VPS37A: variants seen among roughly 807,000 people sequenced by gnomAD.
VPS37A encodes the protein vacuolar protein sorting-associated protein 37A.
In VPS37A, 30 loss-of-function variants were observed where a neutral mutation model predicts 49.8. The observed-to-expected ratio is 0.60, with a 90% CI of 0.45 to 0.82. The LOEUF is 0.82. VPS37A is among the 40% of genes least tolerant of loss of function. The pLI is 0.00. For synonymous variants in VPS37A, 195 were observed against 160.6 expected (o/e 1.21, Z -1.62); for missense variants, 593 against 464.4 (o/e 1.28, Z -2.55).
chr8:17,287,635 G>A (rs112883223), intron 11 of VPS37A, among the ~76,000 whole-genome samples: 11,660 of 151,602 alleles, frequency 0.077, 785 homozygotes, highest in African/African-American at 0.18. Context: ...CCGAGATCAC[G>A]CCACTGCACT....
At chr8:17,313,149 C>A in the VPS37A span, 3 of 507,384 alleles carry the variant, frequency 5.9e-6, no homozygotes, top group Non-Finnish European at 1.1e-5. Flanking sequence ...CTTCAGCGCA[C>A]AGACTACGGA....
intron 6 of VPS37A, among the ~76,000 whole-genome samples, chr8:17,278,347 A>C (rs1814719986): frequency 6.6e-6 from 1 of 152,118 alleles, no homozygotes; most frequent in South Asian, 2.1e-4. Flanking sequence ...ACCAGAATTT[A>C]TTAACCAGAA....
At chr8:17,276,310 T>C in intron 5 of VPS37A, 87 bp from the exon 6 acceptor site, 1 of 996,346 alleles carries the variant, frequency 1.0e-6, no homozygotes. Flanking sequence ...TTATGGGATA[T>C]AGTACATTAA....
At chr8:17,329,255 C>A in the VPS37A span, among the ~76,000 whole-genome samples, 1 of 152,156 alleles carries the variant, frequency 6.6e-6, no homozygotes, top group African/African-American at 2.4e-5. Flanking sequence ...TGCAACACTT[C>A]ATCATCAGCT....
At chr8:17,323,668 C>T in the VPS37A span, among the ~76,000 whole-genome samples, 3 of 152,106 alleles carry the variant, frequency 2.0e-5, no homozygotes, top group African/African-American at 4.8e-5. Context: ...TCATTCCACA[C>T]ACCTCATGCC....
the VPS37A span, chr8:17,311,605 A>G: frequency 4.3e-6 from 7 of 1,614,028 alleles, no homozygotes; most frequent in Non-Finnish European, 4.2e-6. Flanking sequence ...AGAACAGTGA[A>G]CAAGCACACT....
At chr8:17,332,305 A>G in the VPS37A span, among the ~76,000 whole-genome samples, 1,848 of 152,352 alleles carry the variant, frequency 0.012, 18 homozygotes, top group Middle Eastern at 0.02. Context: ...TTAAAGACAC[A>G]TATGTTCTTT....
chr8:17,330,620 G>A, the VPS37A span, among the ~76,000 whole-genome samples: 1 of 152,160 alleles, frequency 6.6e-6, no homozygotes, highest in African/African-American at 2.4e-5. Flanking sequence ...AAGTCTGTGG[G>A]TACGTGTCTT....
intron 1 of VPS37A, among the ~76,000 whole-genome samples, chr8:17,248,854 G>T (rs1811715825): frequency 6.6e-6 from 1 of 152,080 alleles, no homozygotes; most frequent in Non-Finnish European, 1.5e-5. Context: ...GTTATTGGTG[G>T]CTTTCATTCT....
At chr8:17,293,590 G>C (rs1022892201) in intron 11 of VPS37A, among the ~76,000 whole-genome samples, 13 of 151,990 alleles carry the variant, frequency 8.6e-5, no homozygotes, top group Non-Finnish European at 1.5e-5. Context: ...TCATCTTCAT[G>C]GATTTATCTA....
chr8:17,260,237 C>T (rs532641586), intron 1 of VPS37A, among the ~76,000 whole-genome samples: 2 of 152,098 alleles, frequency 1.3e-5, no homozygotes, highest in Non-Finnish European at 2.9e-5. Context: ...GGTTTTTGCA[C>T]TGTGGTTTTC....
chr8:17,280,527 A>G (rs1387774515), intron 9 of VPS37A, 84 bp downstream of exon 9: 4 of 1,265,786 alleles, frequency 3.2e-6, no homozygotes, highest in Non-Finnish European at 4.4e-6. Flanking sequence ...TTTCATTATC[A>G]TCAGAAACCA....
At chr8:17,302,499 T>G (rs980380335), downstream of VPS37A, 3 of 474,272 alleles carry the variant, frequency 6.3e-6, no homozygotes, top group African/African-American at 6.0e-5. Context: ...ATGAAAAGTC[T>G]GCCTGTATAT....
At chr8:17,330,889 A>T in the VPS37A span, among the ~76,000 whole-genome samples, 1 of 152,228 alleles carries the variant, frequency 6.6e-6, no homozygotes, top group East Asian at 1.9e-4. Context: ...AAACAAAAAC[A>T]TCCCTGTGCA....
intron 10 of VPS37A, among the ~76,000 whole-genome samples, chr8:17,285,535 A>T (rs758698761): frequency 2.1e-4 from 32 of 152,226 alleles, no homozygotes; most frequent in Non-Finnish European, 1.3e-4. Flanking sequence ...ACATTTTAAA[A>T]ATAGTATTTT....
At chr8:17,331,410 T>C in the VPS37A span, 19 of 958,174 alleles carry the variant, frequency 2.0e-5, no homozygotes, top group African/African-American at 8.4e-5. Context: ...ATACGCTTAT[T>C]TGAATCACTG....
downstream of VPS37A, among the ~76,000 whole-genome samples, chr8:17,302,927 T>C (rs1021148300): frequency 2.0e-5 from 3 of 151,932 alleles, no homozygotes; most frequent in Admixed American, 1.3e-4. Context: ...GTCAGGTTGG[T>C]CATGAACTCC....
chr8:17,257,693 A>G (rs1282705105), intron 1 of VPS37A, among the ~76,000 whole-genome samples: 1 of 152,198 alleles, frequency 6.6e-6, no homozygotes, highest in African/African-American at 2.4e-5. Flanking sequence ...GTATTTTGCT[A>G]GGGATTGCTC....
intron 11 of VPS37A, among the ~76,000 whole-genome samples, chr8:17,287,065 T>G (rs1472390674): frequency 1.3e-5 from 2 of 152,224 alleles, no homozygotes; most frequent in African/African-American, 4.8e-5. Flanking sequence ...TTGCGTTGTC[T>G]TACATGGCAC....
Sources: gnomAD v4.1 joint callset for allele counts (sites outside exome capture counted in the v4.1 genomes callset) on GRCh38, gnomAD v4.1.1 for gene constraint, MANE v1.5 for transcripts, NCBI Gene and HGNC (gene_info 2026-07-23, HGNC 2026-07-21) for gene names.